Variants in ITCH observed in about 807,000 individuals in gnomAD.
ITCH encodes the protein itchy E3 ubiquitin protein ligase.
In ITCH, 28 loss-of-function variants were observed where a neutral mutation model predicts 126.8. That is an observed-to-expected ratio of 0.22 (90% confidence interval 0.16 to 0.30). The LOEUF (loss-of-function observed/expected upper bound fraction) is 0.30, where lower values mean the gene tolerates loss of function less well. Ranked by LOEUF, ITCH falls within the 10% of genes least tolerant of loss-of-function variation. The probability of loss-of-function intolerance (pLI) is 1.00; values close to 1 mark genes in which losing one functional copy is unlikely to be tolerated. For synonymous variants in ITCH, 342 were observed against 340.0 expected (o/e 1.01, Z -0.06); for missense variants, 631 against 1,032.4 (o/e 0.61, Z 5.33).
At chr20:34,410,217 A>C (rs1978802226) in intron 4 of ITCH, among the ~76,000 whole-genome samples, 1 of 151,846 alleles carries the variant, frequency 6.6e-6, no homozygotes, top group Non-Finnish European at 1.5e-5. Flanking sequence ...AAAATACAAA[A>C]ATTAGCTGGG....
At chr20:34,479,002 C>T (rs570888699) in intron 17 of ITCH, among the ~76,000 whole-genome samples, 2 of 152,198 alleles carry the variant, frequency 1.3e-5, no homozygotes, top group African/African-American at 2.4e-5. Flanking sequence ...ACCCATGTTA[C>T]GTAGTTTTAG....
chr20:34,438,125 A>G (rs976357238), intron 7 of ITCH, among the ~76,000 whole-genome samples: 1 of 152,224 alleles, frequency 6.6e-6, no homozygotes, highest in African/African-American at 2.4e-5. Context: ...TGCTTGTGAT[A>G]AAATAGTGCC....
At position 34,480,627 on chromosome 20, in the gene ITCH, C is replaced by T. The variant is rs1445655265; in HGVS notation, c.1847C>T (p.Thr616Met). ...MALFHGKFID[T>M]GFSLPFYKRI... ...CTGTTCCATGGGAAATTCATAGACA[C>T]GGGTTTTTCTTTACCATTCTATAAG... The change falls in exon 19 of 25, where the codon ACG becomes ATG. Residue 616 changes from threonine (T) to methionine (M), a missense_variant. Thr to Met is a moderately conservative substitution (Grantham distance 81). Around this residue, in one of 4 missense-constraint regions of ITCH, gnomAD observed 390 missense variants for 731.6 expected, o/e 0.53. Transcript: ENST00000374864. 9.9e-6 allele frequency: 16 copies of T among 1,613,568 alleles called. No homozygotes were observed. Among genetic ancestry groups the T allele is most frequent in the East Asian group, 2.2e-5 (1 of 44,828 alleles).
chr20:34,364,047 A>C (rs2037311112), intron 1 of ITCH, among the ~76,000 whole-genome samples: 1 of 152,110 alleles, frequency 6.6e-6, no homozygotes, highest in African/African-American at 2.4e-5. Flanking sequence ...CGTTGAACGT[A>C]TTCTAAGGGT....
chr20:34,431,849 G>A (rs1164656877), intron 7 of ITCH, among the ~76,000 whole-genome samples: 1 of 152,132 alleles, frequency 6.6e-6, no homozygotes, highest in Non-Finnish European at 1.5e-5. Context: ...AGACCAGCCT[G>A]GCCAACATGG....
intron 20 of ITCH, among the ~76,000 whole-genome samples, chr20:34,486,230 G>A (rs576101947): frequency 6.6e-6 from 1 of 151,898 alleles, no homozygotes; most frequent in East Asian, 1.9e-4. Context: ...TGTTACCCAG[G>A]CTGGTCTCCA....
rs199513051 is a variant in ITCH, at chr20:34,408,721, A to G, written c.141A>G (p.Val47=). 6.3e-5 allele frequency: 102 copies of G among 1,613,908 alleles called. No individual in the cohort carries two copies. In the Middle Eastern group the frequency reaches 8.2e-4, roughly 13 times the overall value. The change falls in exon 4 of 25, where the codon GTA becomes GTG. Residue 47 remains valine, a synonymous_variant. Coordinates refer to ENST00000374864, the MANE Select transcript of ITCH (RefSeq NM_031483.7). ...CAAGTCCTTACGTAGAGGTCACAGT[A>G]GATGGACAGTCAAAGAAGACAGAAA... ...FGPSPYVEVT[V]DGQSKKTEKC...
chr20:34,475,396 C>T (rs1218965276), intron 16 of ITCH, among the ~76,000 whole-genome samples: 1 of 152,230 alleles, frequency 6.6e-6, no homozygotes, highest in Non-Finnish European at 1.5e-5. Context: ...ACTCCGTCTG[C>T]AATCCCGGCA....
At chr20:34,444,638 G>A (rs1167086667) in intron 10 of ITCH, among the ~76,000 whole-genome samples, 2 of 151,996 alleles carry the variant, frequency 1.3e-5, no homozygotes, top group East Asian at 3.9e-4. Context: ...AATTGTGTGT[G>A]TGTGTTTTGT....
intron 6 of ITCH, among the ~76,000 whole-genome samples, chr20:34,415,208 C>G (rs1473631099): frequency 1.3e-5 from 2 of 152,108 alleles, no homozygotes; most frequent in Admixed American, 1.3e-4. Context: ...AGGTGCTATT[C>G]TTTTTCTACT....
chr20:34,492,445 T>C, intron 22 of ITCH, 56 bp from the exon 23 acceptor site: 1 of 1,061,884 alleles, frequency 9.4e-7, no homozygotes, highest in Non-Finnish European at 1.5e-6. Flanking sequence ...CTTTCTTGTT[T>C]AGTGTGCTGA....
intron 18 of ITCH, 145 bp from the exon 19 acceptor site, chr20:34,480,454 G>A (rs1017987449): frequency 3.5e-5 from 31 of 890,804 alleles, no homozygotes; most frequent in Admixed American, 1.1e-4. Flanking sequence ...CACCCACCTC[G>A]GCCTCCCAGA....
intron 18 of ITCH, 141 bp downstream of exon 18, chr20:34,479,930 G>GA: frequency 2.6e-6 from 2 of 764,068 alleles, no homozygotes; most frequent in Non-Finnish European, 4.4e-6. Flanking sequence ...ACAGAGTCTT[G>GA]CTCTGTCACC....
At chr20:34,444,363 C>T (rs1052135218) in intron 10 of ITCH, among the ~76,000 whole-genome samples, 3 of 152,266 alleles carry the variant, frequency 2.0e-5, no homozygotes, top group African/African-American at 7.2e-5. Flanking sequence ...GTGGGCGGAT[C>T]ACCTGAGGTC....
Position 34,403,853 on chromosome 20 carries a change from T to C in ITCH, c.71-4798T>C, listed in dbSNP as rs1266021885. On this transcript the variant is annotated intron_variant, in intron 3 of 24. Transcript: ENST00000374864. ...AGAGGGAGCAGCATGTTTAGAGGAA[T>C]GAAAGTACATGGCCCATGTGAGGAA... Among the ~76,000 whole-genome samples the C allele has an allele frequency of 2.6e-5, 4 of 152,064 alleles. No individual in the cohort carries two copies. The East Asian group carries it at 5.8e-4, about 22-fold the overall frequency.
chr20:34,483,554 C>T (rs1568992810), intron 20 of ITCH, among the ~76,000 whole-genome samples: 1 of 152,168 alleles, frequency 6.6e-6, no homozygotes, highest in East Asian at 1.9e-4. Context: ...ACCTTTGCTG[C>T]ATTTCCCAAA....
intron 2 of ITCH, among the ~76,000 whole-genome samples, chr20:34,383,492 G>T (rs947766483): frequency 1.3e-5 from 2 of 150,210 alleles, no homozygotes; most frequent in Non-Finnish European, 3.0e-5. Flanking sequence ...TCAGCCTCTC[G>T]AGTAGCTGGG....
chr20:34,420,371 A>T, intron 6 of ITCH, among the ~76,000 whole-genome samples: 1 of 152,202 alleles, frequency 6.6e-6, no homozygotes, highest in Non-Finnish European at 1.5e-5. Flanking sequence ...AGCATAATGA[A>T]TTTGAGGTTC....
chr20:34,405,162 A>AG (rs2039016728), intron 3 of ITCH, among the ~76,000 whole-genome samples: 1 of 151,234 alleles, frequency 6.6e-6, no homozygotes, highest in Non-Finnish European at 1.5e-5. Context: ...AAAAAAAAAA[A>AG]AAGGTTTCAG....
Sources: allele counts gnomAD v4.1 joint callset (sites outside exome capture counted in the v4.1 genomes callset), GRCh38; gene constraint gnomAD v4.1.1; regional missense constraint gnomAD v4.1.1; transcripts MANE v1.5; gene names NCBI Gene and HGNC (gene_info 2026-07-23, HGNC 2026-07-21).